ELN: variants seen among roughly 807,000 people sequenced by gnomAD.
The protein encoded by ELN is tropoelastin.
In ELN, 65 loss-of-function variants were observed where a neutral mutation model predicts 105.8. That is an observed-to-expected ratio of 0.61 (90% CI 0.50 to 0.75). The LOEUF (loss-of-function observed/expected upper bound fraction) is 0.75, where lower values mean the gene tolerates loss of function less well. Ranked by LOEUF, ELN falls within the 30% of genes least tolerant of loss-of-function variation. ELN has a pLI of 0.00. For synonymous variants in ELN, 368 were observed against 389.2 expected, an observed-to-expected ratio of 0.95 and a Z score of 0.64; for missense variants, 882 against 969.4, an observed-to-expected ratio of 0.91 and a Z score of 1.20.
At chr7:74,057,796 C>A (rs1264711957) in intron 22 of ELN, 100 bp downstream of exon 22, 16 of 1,386,752 alleles carry the variant, frequency 1.2e-5, no homozygotes, top group East Asian at 9.5e-5. Context: ...CTTTCCACCC[C>A]ACTTAAGCTG....
chr7:74,050,335 A>G (rs1244037119), intron 15 of ELN, among the ~76,000 whole-genome samples: 1 of 149,996 alleles, frequency 6.7e-6, no homozygotes, highest in Non-Finnish European at 1.5e-5. Flanking sequence ...CCATCTATCC[A>G]TCCATCCATT....
chr7:74,052,303 G>C, intron 17 of ELN: 1 of 438,348 alleles, frequency 2.3e-6, no homozygotes, highest in Non-Finnish European at 4.2e-6. Context: ...TGTGCTTTAG[G>C]AATAGATCAC....
Position 74,057,762 on chromosome 7 carries a change from G to A in ELN, c.1414+66G>A. The A allele has an allele frequency of 2.5e-6, 4 of 1,577,040 alleles. No homozygotes were observed. In the South Asian group the frequency reaches 4.4e-5, roughly 18 times the overall value. On this transcript the variant is annotated intron_variant, in intron 22 of 32. Transcript: ENST00000252034. The stretch of plus-strand genomic sequence containing the variant: ...GCTTTCTCCTGTGCCCTGCTCTGGG[G>A]TCTGACCGCCCAGCTTCCTGTTCCT...
intron 1 of ELN, among the ~76,000 whole-genome samples, chr7:74,032,659 G>C (rs1197321804): frequency 6.6e-6 from 1 of 152,186 alleles, no homozygotes; most frequent in Non-Finnish European, 1.5e-5. Context: ...CTGAACGGTG[G>C]GGGTGGAGAG....
intron 29 of ELN, 78 bp from the exon 30 acceptor site, chr7:74,065,616 G>GAAAAAA (rs71519315): frequency 7.8e-6 from 10 of 1,279,528 alleles, no homozygotes; most frequent in Admixed American, 2.6e-5. Flanking sequence ...TCTGCCTCAA[G>GAAAAAA]AAAAAAAAAA....
intron 1 of ELN, among the ~76,000 whole-genome samples, chr7:74,033,033 A>C (rs1001331083): frequency 1.3e-5 from 2 of 152,242 alleles, no homozygotes; most frequent in Non-Finnish European, 2.9e-5. Flanking sequence ...GACATAGCCT[A>C]TTACTTGAAC....
At chr7:74,042,775 A>T in intron 6 of ELN, 69 bp downstream of exon 6, 1 of 1,583,866 alleles carries the variant, frequency 6.3e-7, no homozygotes, top group Non-Finnish European at 8.6e-7. Flanking sequence ...TTTGCAAAGA[A>T]CCTTCCCTCA....
chr7:74,037,255 G>C (rs535543833), intron 3 of ELN, among the ~76,000 whole-genome samples: 9 of 151,110 alleles, frequency 6.0e-5, no homozygotes, highest in African/African-American at 1.7e-4. Flanking sequence ...GTGCAGTGGC[G>C]CGATCTCAGC....
chr7:74,060,289 T>C, intron 24 of ELN, 87 bp from the exon 25 acceptor site: 2 of 1,613,908 alleles, frequency 1.2e-6, no homozygotes. Context: ...CCCCTTCCTC[T>C]GGGACTAGGC....
intron 26 of ELN, among the ~76,000 whole-genome samples, chr7:74,061,799 C>G (rs1276779941): frequency 2.0e-5 from 3 of 152,170 alleles, no homozygotes; most frequent in African/African-American, 7.2e-5. Context: ...AGTTGCCCCC[C>G]AGGAGGCAAT....
chr7:74,052,029 T>C (rs1170333317), intron 17 of ELN, 46 bp downstream of exon 17: 32 of 1,608,988 alleles, frequency 2.0e-5, no homozygotes, highest in South Asian at 3.3e-5. Context: ...GGCCCCTGCA[T>C]AGACCTCGGA....
chr7:74,039,844 G>A (rs782743342), intron 4 of ELN, among the ~76,000 whole-genome samples: 10 of 152,234 alleles, frequency 6.6e-5, no homozygotes, highest in Non-Finnish European at 1.3e-4. Flanking sequence ...TCATCGGAGA[G>A]GCAAATTGAC....
rs1044017449 is a variant in ELN, at chr7:74,030,347, G to C, written c.82+2078G>C. On this transcript the variant is annotated intron_variant, in intron 1 of 32. Coordinates refer to ENST00000252034, the MANE Select transcript of ELN (RefSeq NM_000501.4). Reference sequence around the variant, plus strand: ...GGCTCCAAGGAAGGAACCCTGTTGCGGGGGTGGGGGAGCAGGAGGAGGGGA... The same window carrying C: ...GGCTCCAAGGAAGGAACCCTGTTGCCGGGGTGGGGGAGCAGGAGGAGGGGA... 3.5e-4 allele frequency among the ~76,000 whole-genome samples: 54 copies of C among 152,244 alleles called. 1 individual carries two copies. Among genetic ancestry groups the C allele is most frequent in the African/African-American group, 1.2e-3 (49 of 41,560 alleles).
rs782775967 is a variant in ELN, at chr7:74,042,575, G to T, written c.233-39G>T. 4.4e-6 allele frequency: 7 copies of T among 1,592,546 alleles called. No homozygotes were observed. The South Asian group carries it at 7.7e-5, about 18-fold the overall frequency. ...CCAGAGCGTAGGAGTCTTCATAGGT[G>T]TGGTAGCTCAGGACCTCACCCCATC... On this transcript the variant is annotated intron_variant, in intron 5 of 32. Transcript: ENST00000252034.
At chr7:74,055,478 TTTTC>T (rs1795034153) in intron 19 of ELN, among the ~76,000 whole-genome samples, 2 of 151,834 alleles carry the variant, frequency 1.3e-5, no homozygotes, top group Non-Finnish European at 2.9e-5. Context: ...TTTTTTTTCT[TTTTC>T]TTTTTCTTTT....
At position 74,047,688 on chromosome 7, in the gene ELN, G is replaced by A. The variant is rs1328379070; in HGVS notation, c.657G>A (p.Leu219=). The A allele has an allele frequency of 6.2e-7, 1 of 1,614,176 alleles. No individual in the cohort carries two copies. Among genetic ancestry groups the A allele is most frequent in the East Asian group, 2.2e-5 (1 of 44,884 alleles). Residue 219 remains leucine, a synonymous_variant, in exon 13 of 33, where the codon CTG becomes CTA. Transcript: ENST00000252034. The stretch of plus-strand genomic sequence containing the variant: ...TCCTCTCTCCAGGTGGCTATGGACT[G>A]CCCTACACCACAGGGAAACTGCCCT... The part of the protein sequence containing the change: ...KAPKLPGGYG[L]PYTTGKLPYG...
chr7:74,057,517 G>A, intron 21 of ELN, 123 bp from the exon 22 acceptor site: 1 of 1,597,882 alleles, frequency 6.3e-7, no homozygotes, highest in African/African-American at 1.3e-5. Flanking sequence ...TCTCATGGAA[G>A]GGTCCCTGGA....
chr7:74,055,234 A>C (rs1794988947), intron 19 of ELN, among the ~76,000 whole-genome samples: 1 of 151,808 alleles, frequency 6.6e-6, no homozygotes, highest in Non-Finnish European at 1.5e-5. Context: ...GAGGCCAGGA[A>C]TTAGAGACCA....
intron 4 of ELN, chr7:74,038,122 G>A (rs1239680169): frequency 5.9e-6 from 2 of 341,060 alleles, no homozygotes; most frequent in African/African-American, 4.3e-5. Context: ...CGGGAGCTCA[G>A]ACACAGATCC....
Sources: allele counts gnomAD v4.1 joint callset (sites outside exome capture counted in the v4.1 genomes callset), GRCh38; gene constraint gnomAD v4.1.1; transcripts MANE v1.5; gene names NCBI Gene and HGNC (gene_info 2026-07-23, HGNC 2026-07-21).